Variants in FSIP1 observed in about 807,000 individuals in gnomAD.
The protein encoded by FSIP1 is fibrous sheath-interacting protein 1.
FSIP1 carries 65 observed loss-of-function variants against 60.9 expected under a neutral mutation model. The observed-to-expected ratio is 1.07, with a 90% CI of 0.87 to 1.31. The LOEUF is 1.31. FSIP1 is among the 40% of genes most tolerant of loss of function. The probability of loss-of-function intolerance (pLI) is 0.00; values close to 1 mark genes in which losing one functional copy is unlikely to be tolerated. For missense variants in FSIP1, 675 were observed against 665.5 expected (o/e 1.01, Z -0.16); for synonymous variants, 209 against 221.2 (o/e 0.94, Z 0.49).
intron 11 of FSIP1, among the ~76,000 whole-genome samples, chr15:39,612,426 A>G (rs1891070147): frequency 6.6e-6 from 1 of 152,214 alleles, no homozygotes; most frequent in South Asian, 2.1e-4. Flanking sequence ...AAAAAAGGAA[A>G]TCAAACTATA....
At chr15:39,665,669 T>C (rs1319318886) in intron 10 of FSIP1, among the ~76,000 whole-genome samples, 1 of 152,188 alleles carries the variant, frequency 6.6e-6, no homozygotes, top group Non-Finnish European at 1.5e-5. Context: ...ATCCATAGAT[T>C]TCAAGATTTT....
intron 10 of FSIP1, among the ~76,000 whole-genome samples, chr15:39,678,161 A>G (rs573864411): frequency 6.6e-6 from 1 of 152,230 alleles, no homozygotes; most frequent in South Asian, 2.1e-4. Flanking sequence ...AAGTGTGAAA[A>G]TACACCAAAT....
chr15:39,634,805 T>A (rs1892059941), intron 10 of FSIP1, among the ~76,000 whole-genome samples: 1 of 152,190 alleles, frequency 6.6e-6, no homozygotes, highest in Non-Finnish European at 1.5e-5. Flanking sequence ...CACTAGTACA[T>A]GTGCATCTTA....
chr15:39,725,809 G>A (rs1241752095), intron 9 of FSIP1, among the ~76,000 whole-genome samples: 2 of 148,076 alleles, frequency 1.4e-5, no homozygotes, highest in Non-Finnish European at 3.0e-5. Context: ...TTTTGACAGA[G>A]AATCTCGTTG....
intron 10 of FSIP1, among the ~76,000 whole-genome samples, chr15:39,681,450 AT>A (rs1197337425): frequency 1.3e-5 from 2 of 152,312 alleles, no homozygotes; most frequent in South Asian, 2.1e-4. Context: ...CATAATGGGT[AT>A]CAGAAATTTT....
intron 11 of FSIP1, among the ~76,000 whole-genome samples, chr15:39,616,963 G>A (rs1340618785): frequency 1.3e-5 from 2 of 152,156 alleles, no homozygotes; most frequent in Non-Finnish European, 2.9e-5. Context: ...AGAAAGAGAA[G>A]TAATTCAGTG....
intron 11 of FSIP1, among the ~76,000 whole-genome samples, chr15:39,611,964 G>T (rs1355867299): frequency 6.6e-6 from 1 of 152,118 alleles, no homozygotes; most frequent in African/African-American, 2.4e-5. Flanking sequence ...TCATTAAGAG[G>T]ACATAATTGT....
intron 1 of FSIP1, among the ~76,000 whole-genome samples, chr15:39,780,330 C>T (rs1898214193): frequency 6.6e-6 from 1 of 152,134 alleles, no homozygotes; most frequent in African/African-American, 2.4e-5. Context: ...CAAGAACACC[C>T]TGGCTAACAC....
At chr15:39,627,102 G>C (rs1199698066) in intron 10 of FSIP1, among the ~76,000 whole-genome samples, 1 of 152,202 alleles carries the variant, frequency 6.6e-6, no homozygotes, top group East Asian at 1.9e-4. Flanking sequence ...TGCCCAAGAA[G>C]TTTCCCAGCA....
chr15:39,740,274 C>T (rs1398151856), intron 6 of FSIP1, among the ~76,000 whole-genome samples: 4 of 150,478 alleles, frequency 2.7e-5, no homozygotes, highest in East Asian at 3.9e-4. Context: ...TGGGAGTTAG[C>T]GTCCCATGTC....
At chr15:39,764,670 T>C (rs1897620823) in intron 4 of FSIP1, among the ~76,000 whole-genome samples, 1 of 152,140 alleles carries the variant, frequency 6.6e-6, no homozygotes, top group African/African-American at 2.4e-5. Flanking sequence ...TTATAGAGAA[T>C]AAGAGGTCCA....
chr15:39,761,231 A>G (rs67895637), intron 5 of FSIP1, among the ~76,000 whole-genome samples: 16,358 of 152,162 alleles, frequency 0.11, 1,264 homozygotes, highest in East Asian at 0.25. Context: ...GCATTTACCC[A>G]AAAGCTTTGG....
At chr15:39,726,501 A>G in intron 9 of FSIP1, 88 bp downstream of exon 9, 1 of 1,379,392 alleles carries the variant, frequency 7.2e-7, no homozygotes, top group Non-Finnish European at 1.0e-6. Flanking sequence ...ATCACTGGAA[A>G]AAGCAACTGG....
intron 8 of FSIP1, among the ~76,000 whole-genome samples, chr15:39,735,703 T>C (rs920246658): frequency 6.6e-6 from 1 of 152,200 alleles, no homozygotes; most frequent in African/African-American, 2.4e-5. Context: ...CTTTTAAATT[T>C]GTTTAACTTT....
intron 10 of FSIP1, among the ~76,000 whole-genome samples, chr15:39,665,714 T>C (rs1467381758): frequency 6.6e-6 from 1 of 152,164 alleles, no homozygotes; most frequent in African/African-American, 2.4e-5. Context: ...TTTTGTCTAT[T>C]AGTAAAAGAA....
At chr15:39,721,212 C>A (rs1223219029) in intron 9 of FSIP1, among the ~76,000 whole-genome samples, 1 of 152,218 alleles carries the variant, frequency 6.6e-6, no homozygotes, top group African/African-American at 2.4e-5. Context: ...ACCACATTGA[C>A]TCAACCACAT....
chr15:39,705,134 C>T (rs1160056848), intron 10 of FSIP1, among the ~76,000 whole-genome samples: 1 of 152,116 alleles, frequency 6.6e-6, no homozygotes, highest in Non-Finnish European at 1.5e-5. Flanking sequence ...CCTAACAATA[C>T]TAATAAAACA....
chr15:39,614,295 A>G (rs1215439053), intron 11 of FSIP1, among the ~76,000 whole-genome samples: 5 of 152,228 alleles, frequency 3.3e-5, no homozygotes, highest in Non-Finnish European at 5.9e-5. Context: ...CAAACTATCT[A>G]AATAGGAAAT....
chr15:39,680,421 C>T (rs1279373118), intron 10 of FSIP1, among the ~76,000 whole-genome samples: 1 of 152,186 alleles, frequency 6.6e-6, no homozygotes, highest in African/African-American at 2.4e-5. Flanking sequence ...GTTGCCCATA[C>T]AGTCACTTAA....
Sources: gnomAD v4.1 joint callset for allele counts (sites outside exome capture counted in the v4.1 genomes callset) on GRCh38, gnomAD v4.1.1 for gene constraint, MANE v1.5 for transcripts, NCBI Gene and HGNC (gene_info 2026-07-23, HGNC 2026-07-21) for gene names.